Variants in DLC1 observed in about 807,000 individuals in gnomAD.
DLC1 encodes the protein rho GTPase-activating protein 7.
In DLC1, 54 loss-of-function variants were observed where a neutral mutation model predicts 140.3. The observed-to-expected ratio is 0.38, with a 90% CI of 0.31 to 0.48. The LOEUF (loss-of-function observed/expected upper bound fraction) is 0.48, where lower values mean the gene tolerates loss of function less well. DLC1 is among the 20% of genes least tolerant of loss of function. The pLI, the probability that DLC1 is intolerant of heterozygous loss-of-function variation, is 0.96. For missense variants in DLC1, 2,536 were observed against 1,907.0 expected (o/e 1.33, Z -6.14); for synonymous variants, 986 against 728.1 (o/e 1.35, Z -5.70).
At chr8:13,175,040 G>C (rs914246434) in intron 5 of DLC1, among the ~76,000 whole-genome samples, 3 of 152,014 alleles carry the variant, frequency 2.0e-5, no homozygotes, top group Non-Finnish European at 4.4e-5. Flanking sequence ...GTTAATTTTT[G>C]AATACAGTGA....
intron 4 of DLC1, among the ~76,000 whole-genome samples, chr8:13,349,920 G>T (rs75451261): frequency 6.6e-6 from 1 of 152,156 alleles, no homozygotes; most frequent in Admixed American, 6.5e-5. Context: ...AGCTGCATAT[G>T]GACTCTCTCT....
At chr8:13,434,094 C>G (rs289615) in intron 2 of DLC1, among the ~76,000 whole-genome samples, 4,918 of 152,248 alleles carry the variant, frequency 0.032, 266 homozygotes, top group African/African-American at 0.11. Context: ...ACAGGCTTGT[C>G]GCGAACTTCT....
chr8:13,580,658 A>C (rs1805063348), intron 1 of DLC1, among the ~76,000 whole-genome samples: 1 of 152,246 alleles, frequency 6.6e-6, no homozygotes, highest in Non-Finnish European at 1.5e-5. Flanking sequence ...ATGGAAGACC[A>C]GAAAGGATAA....
chr8:13,165,855 T>A (rs1484994716), intron 5 of DLC1, among the ~76,000 whole-genome samples: 1 of 152,126 alleles, frequency 6.6e-6, no homozygotes, highest in Non-Finnish European at 1.5e-5. Flanking sequence ...CAGACCCATA[T>A]ATTGGCTCTC....
intron 5 of DLC1, among the ~76,000 whole-genome samples, chr8:13,209,911 T>C (rs1330321107): frequency 2.0e-5 from 3 of 152,106 alleles, no homozygotes; most frequent in Admixed American, 2.0e-4. Flanking sequence ...CAGTTTCAGG[T>C]ATTTCTTTAT....
chr8:13,357,430 A>G (rs1366307942), intron 4 of DLC1, among the ~76,000 whole-genome samples: 1 of 152,240 alleles, frequency 6.6e-6, no homozygotes, highest in Non-Finnish European at 1.5e-5. Flanking sequence ...CAGCTTGCAG[A>G]GCTCTGCCAG....
At chr8:13,265,837 T>G (rs1830665671) in intron 5 of DLC1, among the ~76,000 whole-genome samples, 1 of 152,142 alleles carries the variant, frequency 6.6e-6, no homozygotes. Flanking sequence ...CACTTGGCTA[T>G]GATATGCTAA....
At chr8:13,162,845 G>C (rs2116882708) in intron 5 of DLC1, among the ~76,000 whole-genome samples, 1 of 152,272 alleles carries the variant, frequency 6.6e-6, no homozygotes, top group South Asian at 2.1e-4. Flanking sequence ...GAGGCAGAAG[G>C]ATCTCTTGAG....
intron 4 of DLC1, chr8:13,340,101 G>A (rs1833972141): frequency 6.6e-6 from 1 of 151,718 alleles, no homozygotes; most frequent in Non-Finnish European, 1.5e-5. Context: ...GATCAGGGAA[G>A]GAGGTCCTGG....
At chr8:13,566,746 G>A (rs141944380) in intron 1 of DLC1, 14 of 499,934 alleles carry the variant, frequency 2.8e-5, no homozygotes, top group Non-Finnish European at 4.5e-5. Context: ...CCAACCCGGC[G>A]CAAGCAGCGC....
chr8:13,557,297 C>T (rs1421597927), intron 1 of DLC1, among the ~76,000 whole-genome samples: 1 of 152,074 alleles, frequency 6.6e-6, no homozygotes, highest in Non-Finnish European at 1.5e-5. Flanking sequence ...GATGCAGCAA[C>T]AGACATGGAA....
chr8:13,201,756 G>A (rs1827392542), intron 5 of DLC1, among the ~76,000 whole-genome samples: 1 of 151,860 alleles, frequency 6.6e-6, no homozygotes, highest in Non-Finnish European at 1.5e-5. Flanking sequence ...AACGCATCAT[G>A]AATGTGTACA....
chr8:13,532,329 C>A (rs1375769629), intron 1 of DLC1, among the ~76,000 whole-genome samples: 3 of 152,172 alleles, frequency 2.0e-5, no homozygotes, highest in Non-Finnish European at 4.4e-5. Context: ...TCCCTGATTT[C>A]TTTTACCTGT....
intron 1 of DLC1, among the ~76,000 whole-genome samples, chr8:13,573,730 T>A (rs1395045040): frequency 6.6e-6 from 1 of 152,214 alleles, no homozygotes; most frequent in Non-Finnish European, 1.5e-5. Flanking sequence ...TATGCTTAAA[T>A]CCAACATTTG....
chr8:13,499,513 T>G lies in DLC1; in HGVS notation c.559A>C (p.Ile187Leu), dbSNP rs774997042. ...TTGCAAAGCTCCAGGCTTTTACTTA[T>G]AGAGTCAGTAACTTTTCTCTCCCCA... ...ESGERKVTDS[I>L]SKSLELCNEI... The change falls in exon 2 of 18, where the codon ATA (isoleucine) becomes CTA (leucine). Residue 187 changes from isoleucine to leucine, a missense_variant. Transcript: ENST00000276297. The G allele has an allele frequency of 6.2e-7, 1 of 1,614,194 alleles. No homozygotes were observed.
chr8:13,276,212 T>C, intron 5 of DLC1: 1 of 1,529,324 alleles, frequency 6.5e-7, no homozygotes, highest in East Asian at 2.5e-5. Context: ...TAAATTGTTT[T>C]CTTTTTAATA....
At chr8:13,325,479 C>G (rs899804747) in intron 4 of DLC1, among the ~76,000 whole-genome samples, 1 of 144,838 alleles carries the variant, frequency 6.9e-6, no homozygotes, top group African/African-American at 2.6e-5. Context: ...CACACACACA[C>G]AGAAAATCTC....
At chr8:13,382,021 A>C (rs1836282845) in intron 4 of DLC1, among the ~76,000 whole-genome samples, 1 of 152,114 alleles carries the variant, frequency 6.6e-6, no homozygotes, top group Non-Finnish European at 1.5e-5. Flanking sequence ...CTTTCAGTGA[A>C]AGGTTAAAGA....
chr8:13,493,685 C>T (rs897444033), intron 2 of DLC1, among the ~76,000 whole-genome samples: 2 of 152,082 alleles, frequency 1.3e-5, no homozygotes, highest in African/African-American at 4.8e-5. Flanking sequence ...ACATTGTAAA[C>T]TTATTTTCTA....
Sources: gnomAD v4.1 joint callset for allele counts (sites outside exome capture counted in the v4.1 genomes callset) on GRCh38, gnomAD v4.1.1 for gene constraint, MANE v1.5 for transcripts, NCBI Gene and HGNC (gene_info 2026-07-23, HGNC 2026-07-21) for gene names.